The following SRPK2 variants were observed in gnomAD, a reference collection of about 807,000 sequenced individuals.
SRPK2 encodes SRSF protein kinase 2, also known as SFRS protein kinase 2.
A neutral mutation model predicts 90.8 loss-of-function variants in SRPK2; 21 were observed. That is an observed-to-expected ratio of 0.23 (90% confidence interval 0.16 to 0.33). The LOEUF (loss-of-function observed/expected upper bound fraction) is 0.33. SRPK2 is among the 10% of genes least tolerant of loss of function. The pLI is 1.00. For missense variants in SRPK2, 620 were observed against 869.0 expected (o/e 0.71, Z 3.60); for synonymous variants, 288 against 311.1 (o/e 0.93, Z 0.78).
rs979470497 is a variant in SRPK2 at position 105,292,052 on chromosome 7, G to A, written c.72-88267C>T. ...CTCCTAGTTTTCCCGTTGCTCTCAC[G>A]TGTTCCCTTCCATATTTCCTTCTCT... On this transcript the variant is annotated intron_variant, in intron 2 of 15. Coordinates refer to ENST00000393651, the MANE Select transcript of SRPK2 (RefSeq NM_182692.3). Among the ~76,000 whole-genome samples, 14 of 152,170 alleles carry A rather than the reference G, an allele frequency of 9.2e-5. 1 individual carries two copies. Among genetic ancestry groups the A allele is most frequent in the Middle Eastern group, 3.4e-3 (1 of 294 alleles).
chr7:105,286,990 G>A (rs1450189390), intron 2 of SRPK2, among the ~76,000 whole-genome samples: 9 of 151,998 alleles, frequency 5.9e-5, no homozygotes, highest in Admixed American at 4.6e-4. Flanking sequence ...GGCCGGGCGC[G>A]GTGGCTCACG....
chr7:105,239,918 C>T (rs1023593560), intron 2 of SRPK2, among the ~76,000 whole-genome samples: 10 of 152,122 alleles, frequency 6.6e-5, no homozygotes, highest in African/African-American at 2.2e-4. Flanking sequence ...TCTCAAAATA[C>T]TCTATTTTAA....
chr7:105,362,107 A>T (rs999137856), intron 2 of SRPK2, among the ~76,000 whole-genome samples: 1 of 152,198 alleles, frequency 6.6e-6, no homozygotes, highest in Non-Finnish European at 1.5e-5. Context: ...GAATCTACAA[A>T]GAACTTAAAC....
At chr7:105,206,142 CCCCCCA>C (rs1476788303) in intron 2 of SRPK2, among the ~76,000 whole-genome samples, 1 of 152,092 alleles carries the variant, frequency 6.6e-6, no homozygotes, top group Non-Finnish European at 1.5e-5. Flanking sequence ...TAGCACACAG[CCCCCCA>C]CCCCCACCCC....
intron 7 of SRPK2, among the ~76,000 whole-genome samples, chr7:105,148,996 G>A (rs940721047): frequency 1.8e-4 from 27 of 152,330 alleles, no homozygotes; most frequent in Admixed American, 1.6e-3. Context: ...TGAAAGCTGG[G>A]TATTGTCCAA....
At chr7:105,272,009 T>A (rs558001706) in intron 2 of SRPK2, among the ~76,000 whole-genome samples, 6 of 152,352 alleles carry the variant, frequency 3.9e-5, no homozygotes, top group Non-Finnish European at 8.8e-5. Context: ...TATTTGCATG[T>A]AAATCTTAGA....
chr7:105,125,572 G>A (rs937516929), intron 15 of SRPK2, among the ~76,000 whole-genome samples: 1 of 152,102 alleles, frequency 6.6e-6, no homozygotes, highest in African/African-American at 2.4e-5. Flanking sequence ...AGAAGCGGAG[G>A]AGGAAAAAAT....
chr7:105,281,074 G>C (rs1396227462), intron 2 of SRPK2, among the ~76,000 whole-genome samples: 3 of 126,074 alleles, frequency 2.4e-5, no homozygotes, highest in Non-Finnish European at 5.1e-5. Flanking sequence ...TTTTCTTTTT[G>C]TTGTTGTATT....
At chr7:105,341,500 C>G (rs540438064) in intron 2 of SRPK2, among the ~76,000 whole-genome samples, 1 of 151,974 alleles carries the variant, frequency 6.6e-6, no homozygotes, top group Non-Finnish European at 1.5e-5. Context: ...TAGCACAACC[C>G]CATCTCTACT....
intron 3 of SRPK2, among the ~76,000 whole-genome samples, chr7:105,202,671 TTC>T (rs1323988516): frequency 2.6e-5 from 4 of 152,236 alleles, no homozygotes; most frequent in African/African-American, 9.6e-5. Context: ...CTTGAATAGT[TTC>T]TGTGTCTTCC....
chr7:105,256,559 T>C (rs183116525), intron 2 of SRPK2, among the ~76,000 whole-genome samples: 38 of 152,286 alleles, frequency 2.5e-4, no homozygotes, highest in African/African-American at 9.1e-4. Flanking sequence ...GGTCTTGGTA[T>C]GTTGCATGGG....
chr7:105,389,872 C>T (rs1392886032), upstream of SRPK2, among the ~76,000 whole-genome samples: 1 of 152,160 alleles, frequency 6.6e-6, no homozygotes, highest in Non-Finnish European at 1.5e-5. Context: ...TCATTGGTCA[C>T]ACAACTGTAT....
At chr7:105,141,966 G>A (rs767355212) in intron 11 of SRPK2, 42 bp downstream of exon 11, 75 of 1,571,452 alleles carry the variant, frequency 4.8e-5, no homozygotes, top group Non-Finnish European at 6.2e-5. Context: ...GCACGTCCCT[G>A]GAGTCAGCGA....
At chr7:105,244,814 C>G in intron 2 of SRPK2, 1 of 970,202 alleles carries the variant, frequency 1.0e-6, no homozygotes. Context: ...CCCGTACAAG[C>G]AGCACGCCAA....
At chr7:105,191,561 A>G (rs1216406197) in intron 3 of SRPK2, among the ~76,000 whole-genome samples, 2 of 152,168 alleles carry the variant, frequency 1.3e-5, no homozygotes, top group African/African-American at 4.8e-5. Context: ...CTCTATCTCT[A>G]TGGGGAAGGG....
At chr7:105,266,680 A>G (rs543730794) in intron 2 of SRPK2, among the ~76,000 whole-genome samples, 1 of 152,300 alleles carries the variant, frequency 6.6e-6, no homozygotes, top group South Asian at 2.1e-4. Context: ...AACTCTTAAA[A>G]TGTAGCTGGA....
chr7:105,210,358 A>G (rs765474029), intron 2 of SRPK2, among the ~76,000 whole-genome samples: 13 of 152,248 alleles, frequency 8.5e-5, no homozygotes, highest in South Asian at 2.1e-4. Flanking sequence ...CCCTATATCT[A>G]TAACTTTTCT....
chr7:105,331,334 A>AAAAAAAAAC (rs1563248718), intron 2 of SRPK2, among the ~76,000 whole-genome samples: 2 of 145,940 alleles, frequency 1.4e-5, no homozygotes, highest in African/African-American at 5.3e-5. Context: ...AAAAAAAAAA[A>AAAAAAAAAC]AAACAAATAG....
At chr7:105,358,927 C>CAGAGAGAG (rs57910582) in intron 2 of SRPK2, among the ~76,000 whole-genome samples, 10 of 148,368 alleles carry the variant, frequency 6.7e-5, no homozygotes, top group Non-Finnish European at 1.0e-4. Flanking sequence ...GCTAAGAACA[C>CAGAGAGAG]AGAGAGAGAG....
Sources: allele counts gnomAD v4.1 joint callset (sites outside exome capture counted in the v4.1 genomes callset), GRCh38; gene constraint gnomAD v4.1.1; transcripts MANE v1.5; gene names NCBI Gene and HGNC (gene_info 2026-07-23, HGNC 2026-07-21).